The following CREB3L1 variants were observed in gnomAD, a reference collection of about 807,000 sequenced individuals.
CREB3L1 encodes cAMP responsive element binding protein 3 like 1.
Under a neutral mutation model 54.5 loss-of-function variants are expected in CREB3L1, and 33 were observed. The observed-to-expected ratio is 0.61, with a 90% CI of 0.46 to 0.81. The LOEUF (loss-of-function observed/expected upper bound fraction) is 0.81. Ranked by LOEUF, CREB3L1 falls within the 30% of genes least tolerant of loss-of-function variation. The pLI, the probability that CREB3L1 is intolerant of heterozygous loss-of-function variation, is 0.00. For synonymous variants in CREB3L1, 284 were observed against 286.4 expected (o/e 0.99, Z 0.08); for missense variants, 656 against 673.3 (o/e 0.97, Z 0.29).
rs1278754708 is a variant in CREB3L1 at position 46,312,387 on chromosome 11, T to G, written c.816T>G (p.Ala272=). 1 of 1,613,704 alleles carries G rather than the reference T, an allele frequency of 6.2e-7. No homozygotes were observed. The highest frequency in any genetic ancestry group is 1.7e-5 in the Admixed American group (1 of 59,974). ...AGGAGGAGAAGCGGACCCTGATTGC[T>G]GAGGGCTACCCCATCCCCACAAAAC... ...LTEEEKRTLI[A]EGYPIPTKLP... is the part of the protein sequence containing the mutation. Residue 272 remains alanine, a synonymous_variant, in exon 6 of 12, where the codon GCT becomes GCG. Transcript: ENST00000621158.
In CREB3L1 at chr11:46,297,635, G is replaced by A. The variant is rs140030882; in HGVS notation, c.103-2300G>A. Among the ~76,000 whole-genome samples, 579 of 152,346 alleles carry A rather than the reference G, an allele frequency of 3.8e-3. 5 individuals carry two copies. The highest frequency in any genetic ancestry group is 0.012 in the African/African-American group (499 of 41,582). On this transcript the variant is annotated intron_variant, in intron 1 of 11. Transcript: ENST00000621158. ...GAAGATTAAATGAAATAATGCATAG[G>A]AGAGCACTTTGGGTTAAAAGCACAA...
At chr11:46,303,036 C>T (rs1566186667) in intron 2 of CREB3L1, among the ~76,000 whole-genome samples, 1 of 152,122 alleles carries the variant, frequency 6.6e-6, no homozygotes. Context: ...GTCTAGGTCA[C>T]GCCCACAGTA....
intron 1 of CREB3L1, among the ~76,000 whole-genome samples, chr11:46,293,077 C>G (rs1009468300): frequency 2.6e-5 from 4 of 152,180 alleles, no homozygotes; most frequent in Admixed American, 2.6e-4. Context: ...AGCTGGGCAC[C>G]CAGTAGGTGC....
At chr11:46,293,203 C>T (rs947562531) in intron 1 of CREB3L1, among the ~76,000 whole-genome samples, 2 of 152,234 alleles carry the variant, frequency 1.3e-5, no homozygotes, top group Admixed American at 6.5e-5. Flanking sequence ...TCCTAAGCTG[C>T]CCTGCAGGGA....
rs1284078755 is a variant in CREB3L1 at position 46,305,882 on chromosome 11, C to T, written c.332-1934C>T. 3.3e-5 allele frequency among the ~76,000 whole-genome samples: 5 copies of T among 150,650 alleles called. No individual in the cohort carries two copies. The South Asian group carries it at 8.5e-4, about 25-fold the overall frequency. ...CGTCCCGAGTAGCTGGGACTACAGG[C>T]GCCCGCCACCATGCCCAGCTAATTT... On this transcript the variant is annotated intron_variant, in intron 2 of 11. Transcript: ENST00000621158.
chr11:46,312,795 G>A (rs1939511522), intron 7 of CREB3L1, 56 bp from the exon 8 acceptor site: 1 of 1,551,488 alleles, frequency 6.4e-7, no homozygotes, highest in Admixed American at 1.9e-5. Flanking sequence ...CTGGGCCGAG[G>A]AGCTGTTGTG....
Position 46,320,834 on chromosome 11 carries a change from T to C in CREB3L1, c.*88T>C, listed in dbSNP as rs764047510. 1.4e-6 allele frequency: 2 copies of C among 1,391,944 alleles called. No homozygotes were observed. Among genetic ancestry groups the C allele is most frequent in the Non-Finnish European group, 2.0e-6 (2 of 998,336 alleles). The allele number at this position is 1,391,944 out of a possible 1,614,324, so 86.2% of individuals were successfully genotyped here. Reference sequence around the variant, plus strand: ...CTAACCCGGATCCGCCTCGTGCCCCTGCCTCCTGGAGCTTCCCATTCCAGG... The same window carrying C: ...CTAACCCGGATCCGCCTCGTGCCCCCGCCTCCTGGAGCTTCCCATTCCAGG... On this transcript the variant is annotated 3_prime_UTR_variant, in exon 12 of 12. Transcript: ENST00000621158.
rs1468010386 is a variant in CREB3L1 at position 46,307,957 on chromosome 11, T to A, written c.473T>A (p.Leu158Gln). 5.1e-6 allele frequency: 8 copies of A among 1,561,776 alleles called. No homozygotes were observed. The South Asian group carries it at 7.1e-5, about 14-fold the overall frequency. The stretch of plus-strand genomic sequence containing the variant: ...GCGGCCGCCATGGCCACCACCCCGC[T>A]GCTGGGCCTCAGCCCCTTGTCCAGG... ...AAAAAMATTP[L>Q]LGLSPLSRLP... Residue 158 changes from leucine to glutamine, a missense_variant, in exon 3 of 12, where the codon CTG becomes CAG. Physicochemically the swap from Leu to Gln is moderately radical, Grantham distance 113. Coordinates refer to ENST00000621158, the MANE Select transcript of CREB3L1 (RefSeq NM_052854.4).
chr11:46,301,830 A>G (rs149726424), intron 2 of CREB3L1, among the ~76,000 whole-genome samples: 1,980 of 152,086 alleles, frequency 0.013, 34 homozygotes, highest in African/African-American at 0.041. Flanking sequence ...GGGCACCTGT[A>G]ATCCCAACTA....
At chr11:46,315,790 C>T in intron 8 of CREB3L1, 1 of 172,050 alleles carries the variant, frequency 5.8e-6, no homozygotes, top group East Asian at 1.1e-4. Context: ...CCACTGCACT[C>T]CAGCCTGGGT....
intron 1 of CREB3L1, among the ~76,000 whole-genome samples, chr11:46,287,623 T>A (rs894396180): frequency 6.6e-6 from 1 of 152,076 alleles, no homozygotes; most frequent in African/African-American, 2.4e-5. Context: ...TGTGGGTACA[T>A]AGTAGGTTAG....
intron 8 of CREB3L1, among the ~76,000 whole-genome samples, chr11:46,314,602 CT>C (rs1045500119): frequency 4.0e-5 from 6 of 151,638 alleles, no homozygotes; most frequent in Non-Finnish European, 5.9e-5. Context: ...TCTCCAGCTC[CT>C]GGACTCAAGC....
intron 2 of CREB3L1, among the ~76,000 whole-genome samples, chr11:46,304,001 G>A (rs1158931596): frequency 6.6e-6 from 1 of 152,088 alleles, no homozygotes; most frequent in Non-Finnish European, 1.5e-5. Context: ...GCAAGACCCT[G>A]TCTCAAAAAG....
In CREB3L1 at chr11:46,305,748, T is replaced by A. The variant is rs865873967; in HGVS notation, c.332-2068T>A. Among the ~76,000 whole-genome samples the A allele has an allele frequency of 3.0e-3, 404 of 133,774 alleles. 2 individuals carry two copies. The highest frequency in any genetic ancestry group is 0.01 in the East Asian group (46 of 4,568). 87.8% of individuals were successfully genotyped at this position (133,774 alleles called of 152,430 possible). A position where few individuals can be genotyped will look rare whatever the true frequency, so the allele number is the denominator to read the frequency against. ...TGTGTGTGTGTATATATATATATAT[T>A]TTTTTTTAAGACGGAGTCTCGCTCT... On this transcript the variant is annotated intron_variant, in intron 2 of 11. Transcript: ENST00000621158.
At chr11:46,300,272 C>G in intron 2 of CREB3L1, 109 bp downstream of exon 2, 1 of 811,492 alleles carries the variant, frequency 1.2e-6, no homozygotes. Context: ...CCAGAGGCTC[C>G]AAGAGGAGCC....
At chr11:46,288,847 C>T (rs756184668) in intron 1 of CREB3L1, among the ~76,000 whole-genome samples, 1 of 152,162 alleles carries the variant, frequency 6.6e-6, no homozygotes, top group Non-Finnish European at 1.5e-5. Context: ...CCCGCTTGAC[C>T]ACTTGCTAAC....
chr11:46,291,385 T>G (rs1343368607), intron 1 of CREB3L1, among the ~76,000 whole-genome samples: 1 of 152,188 alleles, frequency 6.6e-6, no homozygotes, highest in African/African-American at 2.4e-5. Context: ...CACAGCAACC[T>G]GGTGGGGTGG....
chr11:46,296,073 C>G (rs1003406354), intron 1 of CREB3L1, among the ~76,000 whole-genome samples: 2 of 152,256 alleles, frequency 1.3e-5, no homozygotes, highest in African/African-American at 4.8e-5. Flanking sequence ...CCTGCAGAAC[C>G]CTGTCGCCCT....
chr11:46,312,234 C>T, intron 5 of CREB3L1, 91 bp from the exon 6 acceptor site: 1 of 1,132,772 alleles, frequency 8.8e-7, no homozygotes, highest in Non-Finnish European at 1.2e-6. Context: ...CATTGTGTGC[C>T]TTGCCCAGGT....
Sources: allele counts gnomAD v4.1 joint callset (sites outside exome capture counted in the v4.1 genomes callset), GRCh38; gene constraint gnomAD v4.1.1; transcripts MANE v1.5; gene names NCBI Gene and HGNC (gene_info 2026-07-23, HGNC 2026-07-21).